Variants in NUMB observed in about 807,000 individuals in gnomAD.
The protein encoded by NUMB is protein numb homolog.
NUMB carries 29 observed loss-of-function variants against 59.7 expected under a neutral mutation model. The observed-to-expected ratio is 0.49, with a 90% CI of 0.36 to 0.66. NUMB has a LOEUF of 0.66. NUMB is among the 30% of genes least tolerant of loss of function. The pLI is 0.00. For synonymous variants in NUMB, 288 were observed against 288.2 expected (o/e 1.00, Z 0.01); for missense variants, 723 against 822.0 (o/e 0.88, Z 1.47).
At chr14:73,410,332 C>T (rs1896844438) in intron 1 of NUMB, among the ~76,000 whole-genome samples, 1 of 152,162 alleles carries the variant, frequency 6.6e-6, no homozygotes, top group Non-Finnish European at 1.5e-5. Flanking sequence ...AGTTAAGTCA[C>T]AAATTCTCCG....
intron 1 of NUMB, among the ~76,000 whole-genome samples, chr14:73,412,886 T>C (rs1896959378): frequency 6.6e-6 from 1 of 151,968 alleles, no homozygotes. Flanking sequence ...ACCTTGGCAT[T>C]ACAGTCATGA....
At chr14:73,368,886 A>T (rs540023713) in intron 2 of NUMB, among the ~76,000 whole-genome samples, 1 of 152,346 alleles carries the variant, frequency 6.6e-6, no homozygotes, top group Non-Finnish European at 1.5e-5. Flanking sequence ...CAGCATTTGA[A>T]AAGTGGAATT....
intron 1 of NUMB, among the ~76,000 whole-genome samples, chr14:73,433,614 A>G (rs1897927291): frequency 6.6e-6 from 1 of 152,068 alleles, no homozygotes; most frequent in Non-Finnish European, 1.5e-5. Context: ...GTATTCTAAG[A>G]CTCAATTAAA....
intron 1 of NUMB, chr14:73,457,536 T>C (rs1165466826): frequency 1.3e-5 from 2 of 152,216 alleles, no homozygotes; most frequent in East Asian, 1.9e-4. Context: ...TCCCCTCCTA[T>C]AGGGATTCTC....
intron 7 of NUMB, among the ~76,000 whole-genome samples, chr14:73,296,201 G>C (rs1174636868): frequency 6.6e-6 from 1 of 152,090 alleles, no homozygotes; most frequent in Non-Finnish European, 1.5e-5. Context: ...CCAGCACTTT[G>C]GGAGGCCAAG....
intron 1 of NUMB, among the ~76,000 whole-genome samples, chr14:73,423,412 G>A (rs550600089): frequency 6.6e-6 from 1 of 151,982 alleles, no homozygotes; most frequent in South Asian, 2.1e-4. Context: ...ACCGAGGCAG[G>A]CGGATCACCT....
chr14:73,356,733 C>G (rs1485548382), intron 3 of NUMB, among the ~76,000 whole-genome samples: 1 of 152,152 alleles, frequency 6.6e-6, no homozygotes, highest in Non-Finnish European at 1.5e-5. Context: ...CACTCTGTCA[C>G]TAAGGCTGGA....
intron 6 of NUMB, among the ~76,000 whole-genome samples, chr14:73,307,877 C>T (rs906615379): frequency 6.6e-6 from 1 of 151,838 alleles, no homozygotes; most frequent in Non-Finnish European, 1.5e-5. Context: ...GGACTATAGG[C>T]GCCCGCCACC....
chr14:73,419,231 C>T (rs764286233), intron 1 of NUMB, among the ~76,000 whole-genome samples: 2 of 152,162 alleles, frequency 1.3e-5, no homozygotes, highest in South Asian at 2.1e-4. Flanking sequence ...CTCAAGAGGG[C>T]TGGGCGCGGT....
chr14:73,372,480 T>G (rs28712407), intron 2 of NUMB, among the ~76,000 whole-genome samples: 3,653 of 148,362 alleles, frequency 0.025, 150 homozygotes, highest in African/African-American at 0.083. Flanking sequence ...TTTATACAGA[T>G]ATTTAATATT....
intron 11 of NUMB, among the ~76,000 whole-genome samples, chr14:73,281,814 CACT>C (rs1355120862): frequency 1.3e-5 from 2 of 152,062 alleles, no homozygotes; most frequent in African/African-American, 4.8e-5. Flanking sequence ...ACATTGGCAC[CACT>C]GACATTTTGG....
intron 1 of NUMB, among the ~76,000 whole-genome samples, chr14:73,419,214 T>A (rs191952997): frequency 9.3e-4 from 142 of 152,234 alleles, no homozygotes; most frequent in African/African-American, 3.3e-3. Flanking sequence ...GGAAAAGGAA[T>A]GAAAATCTCA....
intron 1 of NUMB, among the ~76,000 whole-genome samples, chr14:73,427,731 A>G (rs946340624): frequency 6.6e-6 from 1 of 152,162 alleles, no homozygotes; most frequent in African/African-American, 2.4e-5. Flanking sequence ...CTGAATATGT[A>G]TCTATTAAGA....
At chr14:73,372,343 T>TTATA (rs60502086) in intron 2 of NUMB, among the ~76,000 whole-genome samples, 2,087 of 100,756 alleles carry the variant, frequency 0.021, 57 homozygotes, top group Admixed American at 0.031. Flanking sequence ...ATATAACCTT[T>TTATA]TATATATATA....
At chr14:73,415,194 G>A (rs1897075034) in intron 1 of NUMB, among the ~76,000 whole-genome samples, 1 of 138,570 alleles carries the variant, frequency 7.2e-6, no homozygotes, top group Non-Finnish European at 1.6e-5. Context: ...TGTAGTGCTT[G>A]CTTCTCATGT....
At chr14:73,293,825 C>T (rs2139835427) in intron 7 of NUMB, among the ~76,000 whole-genome samples, 1 of 152,320 alleles carries the variant, frequency 6.6e-6, no homozygotes, top group East Asian at 1.9e-4. Flanking sequence ...GTTAAGGTAG[C>T]AGTCTACTTC....
chr14:73,365,729 C>T (rs1169208135), intron 3 of NUMB, among the ~76,000 whole-genome samples: 1 of 152,192 alleles, frequency 6.6e-6, no homozygotes, highest in Non-Finnish European at 1.5e-5. Context: ...ATCTCCCATT[C>T]ATGGATATTT....
At chr14:73,442,958 G>T (rs1454246335) in intron 1 of NUMB, among the ~76,000 whole-genome samples, 3 of 152,006 alleles carry the variant, frequency 2.0e-5, no homozygotes, top group Non-Finnish European at 2.9e-5. Flanking sequence ...TACCTCCTCG[G>T]CTCAAGTGAT....
chr14:73,358,641 G>A (rs1196859308), intron 3 of NUMB, among the ~76,000 whole-genome samples: 2 of 136,290 alleles, frequency 1.5e-5, no homozygotes, highest in African/African-American at 2.8e-5. Flanking sequence ...GCCCCTACCT[G>A]GCTTGGTTAG....
Sources: allele counts gnomAD v4.1 joint callset (sites outside exome capture counted in the v4.1 genomes callset), GRCh38; gene constraint gnomAD v4.1.1; transcripts MANE v1.5; gene names NCBI Gene and HGNC (gene_info 2026-07-23, HGNC 2026-07-21).